ICE2: variants seen among roughly 807,000 people sequenced by gnomAD.
The protein encoded by ICE2 is little elongation complex subunit 2.
In ICE2, 87 loss-of-function variants were observed where a neutral mutation model predicts 105.4. That is an observed-to-expected ratio of 0.83 (90% CI 0.69 to 0.99). ICE2 has a LOEUF of 0.99. ICE2 is among the 50% of genes least tolerant of loss of function. ICE2 has a pLI of 0.00. For synonymous variants in ICE2, 399 were observed against 392.0 expected (o/e 1.02, Z -0.21); for missense variants, 1,323 against 1,146.7 (o/e 1.15, Z -2.22).
At chr15:60,428,093 T>G (rs1478110632) in intron 15 of ICE2, among the ~76,000 whole-genome samples, 1 of 152,138 alleles carries the variant, frequency 6.6e-6, no homozygotes, top group Admixed American at 6.6e-5. Context: ...TGAAACCCAG[T>G]ATATATAAAT....
intron 5 of ICE2, among the ~76,000 whole-genome samples, chr15:60,462,880 G>C (rs939052926): frequency 1.3e-5 from 2 of 152,052 alleles, no homozygotes; most frequent in African/African-American, 2.4e-5. Flanking sequence ...TTGAAGATAC[G>C]CATACTCTAT....
At chr15:60,475,710 T>C (rs2064741072) in intron 3 of ICE2, among the ~76,000 whole-genome samples, 1 of 152,162 alleles carries the variant, frequency 6.6e-6, no homozygotes, top group Non-Finnish European at 1.5e-5. Flanking sequence ...GTGTACACGT[T>C]ATAAACAGTA....
chr15:60,425,041 G>C (rs949351559), intron 15 of ICE2, among the ~76,000 whole-genome samples: 20 of 152,148 alleles, frequency 1.3e-4, no homozygotes, highest in African/African-American at 4.8e-4. Context: ...AAGGGTGATA[G>C]TGTAACTCCA....
chr15:60,423,857 T>C (rs1378256768), intron 15 of ICE2, 95 bp from the exon 16 acceptor site: 3 of 1,116,572 alleles, frequency 2.7e-6, no homozygotes, highest in Non-Finnish European at 3.6e-6. Flanking sequence ...ATTAACCACC[T>C]TGCAAATAAG....
At chr15:60,434,326 G>A (rs1302154742) in intron 13 of ICE2, among the ~76,000 whole-genome samples, 4 of 152,150 alleles carry the variant, frequency 2.6e-5, no homozygotes, top group African/African-American at 9.7e-5. Context: ...GTTTTTGACT[G>A]TACTATCCTT....
chr15:60,436,276 G>T (rs766863505), intron 12 of ICE2, 49 bp from the exon 13 acceptor site: 3 of 486,586 alleles, frequency 6.2e-6, no homozygotes, highest in Non-Finnish European at 3.3e-6. Context: ...GCAGTATTTA[G>T]AAAAAAAAAA....
At chr15:60,439,006 G>A (rs543517707) in intron 12 of ICE2, 7 of 152,224 alleles carry the variant, frequency 4.6e-5, no homozygotes, top group East Asian at 1.9e-4. Flanking sequence ...ATATACAAGC[G>A]TTCATTCATA....
chr15:60,428,574 T>C lies in ICE2; in HGVS notation c.2675A>G (p.His892Arg). ...TRTAYNLYKT[H>R]CGLPGVPSSL... Reference sequence around the variant, plus strand: ...GGAAGGTACACCAGGAAGGCCGCAATGTGTTTTATACAAATTGTATGCTGT... The same window carrying C: ...GGAAGGTACACCAGGAAGGCCGCAACGTGTTTTATACAAATTGTATGCTGT... The change falls in exon 15 of 16, where the codon CAT (histidine) becomes CGT (arginine). Residue 892 changes from histidine (H) to arginine (R), a missense_variant. His to Arg is a conservative substitution (Grantham distance 29, BLOSUM62 0). Transcript: ENST00000261520. 2 of 1,614,112 alleles carry C rather than the reference T, an allele frequency of 1.2e-6. No homozygotes were observed. The highest frequency in any genetic ancestry group is 2.2e-5 in the East Asian group (1 of 44,880).
chr15:60,420,407 C>T lies in ICE2; in HGVS notation c.*3227G>A, dbSNP rs1356499603. 6.6e-6 allele frequency: 1 copy of T among 152,110 alleles called. No homozygotes were observed. Among genetic ancestry groups the T allele is most frequent in the African/African-American group, 2.4e-5 (1 of 41,410 alleles). 9.4% of individuals were successfully genotyped at this position (152,110 alleles called of 1,614,324 possible). On this transcript the variant is annotated 3_prime_UTR_variant, in exon 16 of 16. Coordinates refer to ENST00000261520, the MANE Select transcript of ICE2 (RefSeq NM_024611.6). ...CAGTTACTACAACACAGGCTCCCAA[C>T]ATTTCTTCTTTCGCTTCCCAGCTCC... is the stretch of plus-strand genomic sequence containing the variant.
At chr15:60,424,336 A>G (rs1205624239) in intron 15 of ICE2, among the ~76,000 whole-genome samples, 1 of 146,476 alleles carries the variant, frequency 6.8e-6, no homozygotes, top group African/African-American at 2.5e-5. Flanking sequence ...CCCAAGTAGC[A>G]GGGAAATCCT....
chr15:60,433,213 G>C (rs1384708411), intron 13 of ICE2, among the ~76,000 whole-genome samples: 1 of 151,428 alleles, frequency 6.6e-6, no homozygotes, highest in East Asian at 2.0e-4. Context: ...TCAGCCTCCA[G>C]AGTAGCTGGG....
chr15:60,431,616 T>G (rs2063462726), intron 14 of ICE2, among the ~76,000 whole-genome samples: 1 of 152,164 alleles, frequency 6.6e-6, no homozygotes, highest in South Asian at 2.1e-4. Context: ...AAACTGATTT[T>G]GGATTTCTGA....
chr15:60,433,840 G>A (rs2063519202), intron 13 of ICE2, among the ~76,000 whole-genome samples: 1 of 152,016 alleles, frequency 6.6e-6, no homozygotes, highest in African/African-American at 2.4e-5. Flanking sequence ...GAAAAGCGAG[G>A]CAGGTGGAGA....
intron 2 of ICE2, among the ~76,000 whole-genome samples, chr15:60,476,811 C>T (rs1409598744): frequency 6.6e-6 from 1 of 152,138 alleles, no homozygotes; most frequent in African/African-American, 2.4e-5. Context: ...ACACTGAATC[C>T]ATTAACGTTA....
intron 5 of ICE2, among the ~76,000 whole-genome samples, chr15:60,462,397 G>C (rs1053720773): frequency 1.3e-5 from 2 of 152,106 alleles, no homozygotes; most frequent in Admixed American, 6.6e-5. Flanking sequence ...AAACTGCTAA[G>C]AGAGTAGATT....
At chr15:60,468,604 G>A (rs903058603) in intron 3 of ICE2, among the ~76,000 whole-genome samples, 11 of 152,098 alleles carry the variant, frequency 7.2e-5, no homozygotes, top group Admixed American at 1.3e-4. Flanking sequence ...TAATAAAGAG[G>A]GGAAAATCGT....
chr15:60,463,066 G>A (rs1230248569), intron 5 of ICE2, among the ~76,000 whole-genome samples: 1 of 152,166 alleles, frequency 6.6e-6, no homozygotes, highest in Admixed American at 6.5e-5. Context: ...TGTGTTAGAT[G>A]ATTATGCCTA....
chr15:60,445,788 T>C (rs1230310841), intron 11 of ICE2: 4 of 985,170 alleles, frequency 4.1e-6, no homozygotes, highest in African/African-American at 3.5e-5. Context: ...CTAAGTGCTG[T>C]AAGCTGAAAA....
intron 3 of ICE2, 115 bp from the exon 4 acceptor site, chr15:60,468,437 C>T (rs1844010402): frequency 1.3e-6 from 1 of 794,604 alleles, no homozygotes; most frequent in African/African-American, 1.7e-5. Flanking sequence ...AGAGTAAACT[C>T]TGGATTATTA....
Sources: allele counts gnomAD v4.1 joint callset (sites outside exome capture counted in the v4.1 genomes callset), GRCh38; gene constraint gnomAD v4.1.1; transcripts MANE v1.5; gene names NCBI Gene and HGNC (gene_info 2026-07-23, HGNC 2026-07-21).